The following DOCK2 variants were observed in gnomAD, a reference collection of about 807,000 sequenced individuals.
The protein encoded by DOCK2 is dedicator of cytokinesis protein 2.
In DOCK2, 87 loss-of-function variants were observed where a neutral mutation model predicts 248.9. That is an observed-to-expected ratio of 0.35 (90% CI 0.29 to 0.42). The LOEUF (loss-of-function observed/expected upper bound fraction) is 0.42, where lower values mean the gene tolerates loss of function less well. DOCK2 is among the 10% of genes least tolerant of loss of function. DOCK2 has a pLI of 1.00. For missense variants in DOCK2, 1,747 were observed against 2,300.2 expected, an observed-to-expected ratio of 0.76 and a Z score of 4.92; for synonymous variants, 805 against 821.6, an observed-to-expected ratio of 0.98 and a Z score of 0.35.
At chr5:169,973,047 G>A (rs1777583649) in intron 27 of DOCK2, among the ~76,000 whole-genome samples, 1 of 152,142 alleles carries the variant, frequency 6.6e-6, no homozygotes, top group African/African-American at 2.4e-5. Flanking sequence ...TTTAATACAT[G>A]ATGTGAGAGA....
intron 42 of DOCK2, chr5:170,056,302 G>A (rs1313329935): frequency 5.9e-6 from 1 of 168,902 alleles, no homozygotes; most frequent in Non-Finnish European, 1.3e-5. Context: ...GATTTAGGGG[G>A]TTGGCTGGGA....
chr5:169,970,255 C>T (rs58826913), intron 27 of DOCK2, among the ~76,000 whole-genome samples: 4,003 of 152,300 alleles, frequency 0.026, 189 homozygotes, highest in African/African-American at 0.092. Flanking sequence ...ACATGCATTC[C>T]ATCTTTTTTT....
At chr5:169,760,243 A>G (rs115934857) in intron 24 of DOCK2, among the ~76,000 whole-genome samples, 1,863 of 152,102 alleles carry the variant, frequency 0.012, 37 homozygotes, top group African/African-American at 0.042. Flanking sequence ...TGCTGTTGGA[A>G]TAGGGGCATT....
intron 26 of DOCK2, among the ~76,000 whole-genome samples, chr5:169,823,628 A>G (rs985015369): frequency 7.9e-5 from 12 of 152,202 alleles, no homozygotes; most frequent in Non-Finnish European, 1.6e-4. Flanking sequence ...CCTCAAAATA[A>G]TGAGAGCTAT....
In DOCK2 at chr5:169,641,759, CTTCG is replaced by C. The variant is rs1292226305; in HGVS notation, c.43+4392_43+4395del. On this transcript the variant is annotated intron_variant, in intron 1 of 51. Transcript: ENST00000520908. ...CCACCTCCCTCTGATTGCATTGTTCCTTCGTAACTGATACTCTAATACCACAGTG... is the reference window on the plus strand; with the variant it reads ...CCACCTCCCTCTGATTGCATTGTTCCTAACTGATACTCTAATACCACAGTG... 2.0e-5 allele frequency among the ~76,000 whole-genome samples: 3 copies of C among 152,138 alleles called. No homozygotes were observed. The East Asian group carries it at 5.8e-4, about 29-fold the overall frequency.
intron 27 of DOCK2, among the ~76,000 whole-genome samples, chr5:169,873,473 C>T (rs1234117856): frequency 6.6e-6 from 1 of 152,190 alleles, no homozygotes; most frequent in African/African-American, 2.4e-5. Context: ...ATGAGAGCTG[C>T]AAATGCATCT....
chr5:169,886,802 T>C (rs963324756), intron 27 of DOCK2, among the ~76,000 whole-genome samples: 1 of 152,204 alleles, frequency 6.6e-6, no homozygotes, highest in Non-Finnish European at 1.5e-5. Context: ...GCTTTCTTCT[T>C]AACTGCTCAT....
intron 46 of DOCK2, among the ~76,000 whole-genome samples, chr5:170,074,190 C>T (rs1225508374): frequency 6.6e-6 from 1 of 151,954 alleles, no homozygotes; most frequent in African/African-American, 2.4e-5. Context: ...CTTTTCTGTT[C>T]CTATATATTA....
intron 27 of DOCK2, among the ~76,000 whole-genome samples, chr5:169,845,292 CTG>C (rs1770238944): frequency 1.3e-5 from 2 of 151,940 alleles, no homozygotes; most frequent in Non-Finnish European, 2.9e-5. Flanking sequence ...TACCCTGCCT[CTG>C]TCCCTTGCCC....
At chr5:169,758,084 T>C (rs1276970075) in intron 23 of DOCK2, among the ~76,000 whole-genome samples, 1 of 152,206 alleles carries the variant, frequency 6.6e-6, no homozygotes, top group Non-Finnish European at 1.5e-5. Context: ...CACGTATTTA[T>C]AATAAAAATT....
intron 28 of DOCK2, among the ~76,000 whole-genome samples, chr5:169,983,514 G>C (rs1472653001): frequency 2.0e-5 from 3 of 152,214 alleles, no homozygotes; most frequent in Non-Finnish European, 4.4e-5. Flanking sequence ...TAAGTGCTCA[G>C]TAAAATATAG....
At position 169,961,978 on chromosome 5, in the gene DOCK2, C is replaced by CAAAAA. The variant is rs70979150; in HGVS notation, c.2800-21077_2800-21073dup. Among the ~76,000 whole-genome samples the CAAAAA allele has an allele frequency of 3.4e-3, 255 of 74,634 alleles. 33 individuals are homozygous for CAAAAA. Among genetic ancestry groups the CAAAAA allele is most frequent in the Non-Finnish European group, 4.7e-3 (198 of 42,208 alleles). The allele number at this position is 74,634 out of a possible 152,430, so 49.0% of individuals were successfully genotyped here. Reference sequence around the variant, plus strand: ...TGGGTGAAAAAGTGAGACTCTGTCCCAAAAAAAAAAAAAAAAATGGAGAAA... The same window carrying CAAAAA: ...TGGGTGAAAAAGTGAGACTCTGTCCCAAAAAAAAAAAAAAAAAAAAAATGGAGAAA... On this transcript the variant is annotated intron_variant, in intron 27 of 51. Transcript: ENST00000520908.
At chr5:169,891,353 T>G (rs1366566544) in intron 27 of DOCK2, among the ~76,000 whole-genome samples, 1 of 152,230 alleles carries the variant, frequency 6.6e-6, no homozygotes, top group East Asian at 1.9e-4. Flanking sequence ...TTAGTATTTG[T>G]TGAATGAATG....
chr5:170,073,769 T>C (rs868646037), intron 46 of DOCK2, among the ~76,000 whole-genome samples: 13 of 152,312 alleles, frequency 8.5e-5, no homozygotes, highest in Middle Eastern at 3.4e-3. Context: ...TATGATCTTT[T>C]ATGTTTGTAC....
chr5:169,770,751 T>G (rs1188491686), intron 25 of DOCK2, among the ~76,000 whole-genome samples: 1 of 152,262 alleles, frequency 6.6e-6, no homozygotes, highest in Non-Finnish European at 1.5e-5. Context: ...TTACTTAATA[T>G]TAAACTAGGA....
At chr5:169,865,182 C>T (rs562966304) in intron 27 of DOCK2, among the ~76,000 whole-genome samples, 37 of 152,200 alleles carry the variant, frequency 2.4e-4, no homozygotes, top group African/African-American at 7.9e-4. Context: ...ACCTCTTTTT[C>T]GTTGTTGTTG....
chr5:169,922,585 TA>T (rs1393195989), intron 27 of DOCK2, among the ~76,000 whole-genome samples: 7 of 152,238 alleles, frequency 4.6e-5, no homozygotes, highest in African/African-American at 1.7e-4. Context: ...ATTTGCAGTT[TA>T]GAGAATATCA....
chr5:169,848,377 G>C (rs913273242), intron 27 of DOCK2, among the ~76,000 whole-genome samples: 1 of 152,230 alleles, frequency 6.6e-6, no homozygotes, highest in Non-Finnish European at 1.5e-5. Flanking sequence ...CCAGTCATCT[G>C]TGCTCCCTTC....
At chr5:169,951,118 C>A (rs908184219) in intron 27 of DOCK2, among the ~76,000 whole-genome samples, 10 of 152,160 alleles carry the variant, frequency 6.6e-5, no homozygotes, top group African/African-American at 2.4e-4. Flanking sequence ...CCCCACCAAC[C>A]CTTTCCCTCC....
Sources: gnomAD v4.1 joint callset for allele counts (sites outside exome capture counted in the v4.1 genomes callset) on GRCh38, gnomAD v4.1.1 for gene constraint, MANE v1.5 for transcripts, NCBI Gene and HGNC (gene_info 2026-07-23, HGNC 2026-07-21) for gene names.